Variants in NIN observed in about 807,000 individuals in gnomAD.
NIN encodes glycogen synthase kinase 3 beta-interacting protein.
A neutral mutation model predicts 257.6 loss-of-function variants in NIN; 137 were observed. That is an observed-to-expected ratio of 0.53 (90% confidence interval 0.46 to 0.61). NIN has a LOEUF of 0.61. NIN is among the 20% of genes least tolerant of loss of function. NIN has a pLI of 0.00. For synonymous variants in NIN, 918 were observed against 919.8 expected (o/e 1.00, Z 0.04); for missense variants, 2,439 against 2,501.2 (o/e 0.98, Z 0.53).
intron 28 of NIN, among the ~76,000 whole-genome samples, chr14:50,730,359 G>A (rs2140356219): frequency 6.6e-6 from 1 of 152,314 alleles, no homozygotes; most frequent in South Asian, 2.1e-4. Flanking sequence ...GAGGAAATGT[G>A]TACCAACATG....
intron 29 of NIN, chr14:50,727,095 A>C (rs551197545): frequency 3.2e-5 from 10 of 316,180 alleles, no homozygotes; most frequent in South Asian, 1.3e-4. Flanking sequence ...ATTTAAAAAA[A>C]AATAATAGCT....
intron 3 of NIN, among the ~76,000 whole-genome samples, chr14:50,811,201 C>T (rs559317971): frequency 4.7e-5 from 7 of 150,440 alleles, no homozygotes; most frequent in East Asian, 4.0e-4. Flanking sequence ...CTCCACCTCC[C>T]GGGTTCAAGC....
rs1250040124 is a variant in NIN at position 50,792,681 on chromosome 14, T to A, written c.435+31A>T. 3.1e-6 allele frequency: 5 copies of A among 1,613,258 alleles called. No homozygotes were observed. The South Asian group carries it at 4.4e-5, about 14-fold the overall frequency. Reference sequence around the variant, plus strand: ...CTGACGTGGGGCTCCACACTCATGATCCAGATGAACGTGCATGCCCGATTC... The same window carrying A: ...CTGACGTGGGGCTCCACACTCATGAACCAGATGAACGTGCATGCCCGATTC... On this transcript the variant is annotated intron_variant, in intron 5 of 30. Transcript: ENST00000530997.
At chr14:50,796,510 C>T (rs1257308381) in intron 4 of NIN, among the ~76,000 whole-genome samples, 1 of 152,166 alleles carries the variant, frequency 6.6e-6, no homozygotes, top group Non-Finnish European at 1.5e-5. Flanking sequence ...CTGGGTTGCT[C>T]ACACGCCACA....
Position 50,757,467 on chromosome 14 carries a change from T to G in NIN, c.3563A>C (p.Glu1188Ala), listed in dbSNP as rs756319236. The change falls in exon 18 of 31, where the codon GAG becomes GCG. Residue 1188 changes from glutamate to alanine, a missense_variant. Physicochemically the swap from Glu to Ala is moderately radical, Grantham distance 107. Coordinates refer to ENST00000530997, the MANE Select transcript of NIN (RefSeq NM_020921.4). ...CAGCTCCCAGGATTCAGTCCTGGTC[T>G]CTTCACTGTTTTCAAGCTCAGAAAA... ...EGFSELENSE[E>A]TRTESWELKN... The G allele has an allele frequency of 6.2e-7, 1 of 1,614,092 alleles. No individual in the cohort carries two copies. Among genetic ancestry groups the G allele is most frequent in the Admixed American group, 1.7e-5 (1 of 60,008 alleles).
chr14:50,769,028 C>G (rs2042617900), intron 12 of NIN, among the ~76,000 whole-genome samples: 1 of 151,964 alleles, frequency 6.6e-6, no homozygotes, highest in Non-Finnish European at 1.5e-5. Context: ...GGGAGAAATT[C>G]ACGAAATGAA....
chr14:50,728,860 C>T (rs1372953148), intron 29 of NIN, among the ~76,000 whole-genome samples: 1 of 152,176 alleles, frequency 6.6e-6, no homozygotes, highest in Non-Finnish European at 1.5e-5. Flanking sequence ...TTTTTATTTT[C>T]TTAAATAGTT....
chr14:50,740,166 C>A (rs2041209122), intron 25 of NIN, among the ~76,000 whole-genome samples: 1 of 149,750 alleles, frequency 6.7e-6, no homozygotes, highest in African/African-American at 2.4e-5. Flanking sequence ...AAAAAGTCAA[C>A]CCAGAAGTAA....
At chr14:50,770,716 G>C in intron 11 of NIN, 136 bp downstream of exon 11, 2 of 1,330,106 alleles carry the variant, frequency 1.5e-6, no homozygotes, top group Non-Finnish European at 2.0e-6. Context: ...GACCACATCT[G>C]AGTCACTCCA....
intron 3 of NIN, among the ~76,000 whole-genome samples, chr14:50,809,931 T>C (rs2044504749): frequency 6.6e-6 from 1 of 152,094 alleles, no homozygotes; most frequent in African/African-American, 2.4e-5. Flanking sequence ...GGAGGTGTCA[T>C]AAAGCCCAGG....
intron 4 of NIN, among the ~76,000 whole-genome samples, chr14:50,801,799 T>C (rs1331329376): frequency 6.6e-6 from 1 of 152,268 alleles, no homozygotes; most frequent in African/African-American, 2.4e-5. Flanking sequence ...AACAATCATC[T>C]GTACCAAAAC....
chr14:50,752,746 A>C lies in NIN; in HGVS notation c.4735-13T>G. 1 of 1,501,136 alleles carries C rather than the reference A, an allele frequency of 6.7e-7. No homozygotes were observed. Among genetic ancestry groups the C allele is most frequent in the Non-Finnish European group, 9.1e-7 (1 of 1,100,918 alleles). 93.0% of individuals were successfully genotyped at this position (1,501,136 alleles called of 1,614,324 possible). A position where few individuals can be genotyped will look rare whatever the true frequency, so the allele number is the denominator to read the frequency against. On this transcript the variant is annotated splice_polypyrimidine_tract_variant and intron_variant, in intron 20 of 30. Coordinates refer to ENST00000530997, the MANE Select transcript of NIN (RefSeq NM_020921.4). ...TTAATTCTGAAATCTAATTAAAATT[A>C]AAATAAGTTTTTCAAACTTGTTACC...
Position 50,778,683 on chromosome 14 carries a change from A to G in NIN, c.475+82T>C. 9.2e-6 allele frequency: 11 copies of G among 1,199,590 alleles called. No individual in the cohort carries two copies. In the South Asian group the frequency reaches 9.7e-5, roughly 11 times the overall value. The allele number at this position is 1,199,590 out of a possible 1,614,324, so 74.3% of individuals were successfully genotyped here. On this transcript the variant is annotated intron_variant, in intron 6 of 30. Coordinates refer to ENST00000530997, the MANE Select transcript of NIN (RefSeq NM_020921.4). ...AATGTTAATTCCCCTGGCCTGCAGC[A>G]TAAGAGATCAGAAAGACCGGGTGTG... is the stretch of plus-strand genomic sequence containing the variant.
rs71118902 is a variant in NIN, at chr14:50,800,007, TACAC to T, written c.265+6726_265+6729del. 6.4e-3 allele frequency among the ~76,000 whole-genome samples: 954 copies of T among 148,246 alleles called. 12 individuals are homozygous for T. The highest frequency in any genetic ancestry group is 0.022 in the African/African-American group (874 of 39,950). ...AAAAAACAAACAATATATATACACA[TACAC>T]ACACACACACACACACACACACACA... On this transcript the variant is annotated intron_variant, in intron 4 of 30. Coordinates refer to ENST00000530997, the MANE Select transcript of NIN (RefSeq NM_020921.4).
In NIN at chr14:50,804,249, C is replaced by T. The variant is rs116890151; in HGVS notation, c.265+2488G>A. 3.3e-5 allele frequency among the ~76,000 whole-genome samples: 5 copies of T among 152,174 alleles called. No individual in the cohort carries two copies. In the East Asian group the frequency reaches 5.8e-4, roughly 18 times the overall value. ...GAATGTTTGAGTGGAAAGAACTGCA[C>T]GATCCCCACGAACAACTGGAGGGGC... On this transcript the variant is annotated intron_variant, in intron 4 of 30. Coordinates refer to ENST00000530997, the MANE Select transcript of NIN (RefSeq NM_020921.4).
At chr14:50,732,108 A>G (rs913314349) in intron 28 of NIN, among the ~76,000 whole-genome samples, 1 of 152,108 alleles carries the variant, frequency 6.6e-6, no homozygotes, top group Non-Finnish European at 1.5e-5. Flanking sequence ...TTCTTTACCT[A>G]GTCTAGTGAT....
rs748097845 is a variant in NIN, at chr14:50,748,002, T to C, written c.5054A>G (p.Lys1685Arg). Residue 1685 changes from lysine to arginine, a missense_variant, in exon 22 of 31, where the codon AAA (lysine) becomes AGA (arginine). This residue lies in a region of NIN where 2,043 missense variants were observed against 2,050.2 expected (regional missense o/e 1.00). Coordinates refer to ENST00000530997, the MANE Select transcript of NIN (RefSeq NM_020921.4). ...ENHLLKDELE[K>R]MKQLHRCPDL... ...TGCACACAGCCTTACCTGTTTCATTTTCTCCAGTTCATCTTTGAGAAGGTG... is the reference window on the plus strand; with the variant it reads ...TGCACACAGCCTTACCTGTTTCATTCTCTCCAGTTCATCTTTGAGAAGGTG... 3 of 1,611,122 alleles carry C rather than the reference T, an allele frequency of 1.9e-6. No individual in the cohort carries two copies. In the East Asian group the frequency reaches 6.7e-5, roughly 36 times the overall value.
rs201612098 is a variant in NIN at position 50,725,868 on chromosome 14, C to A, written c.6192+85G>T. The stretch of plus-strand genomic sequence containing the variant: ...GCCTTTATTAGACAACATAAGTTAA[C>A]GAGTTAATGGCAATAAAGGGATGTA... On this transcript the variant is annotated intron_variant, in intron 30 of 30. Transcript: ENST00000530997. 6 of 1,606,390 alleles carry A rather than the reference C, an allele frequency of 3.7e-6. No individual in the cohort carries two copies. In the Admixed American group the frequency reaches 1.0e-4, roughly 27 times the overall value.
intron 5 of NIN, among the ~76,000 whole-genome samples, chr14:50,791,165 T>G (rs909569396): frequency 3.9e-5 from 6 of 152,232 alleles, no homozygotes; most frequent in Non-Finnish European, 7.3e-5. Flanking sequence ...CTCAGGGTTA[T>G]AGAACAGACT....
Sources: allele counts gnomAD v4.1 joint callset (sites outside exome capture counted in the v4.1 genomes callset), GRCh38; gene constraint gnomAD v4.1.1; regional missense constraint gnomAD v4.1.1; transcripts MANE v1.5; gene names NCBI Gene and HGNC (gene_info 2026-07-23, HGNC 2026-07-21).